Variants in GNG12 observed in about 807,000 individuals in gnomAD.
GNG12 encodes guanine nucleotide-binding protein G(I)/G(S)/G(O) subunit gamma-12.
For missense variants in GNG12, 69 were observed against 83.8 expected, an observed-to-expected ratio of 0.82 and a Z score of 0.69; for synonymous variants, 28 against 29.7, an observed-to-expected ratio of 0.94 and a Z score of 0.19.
intron 2 of GNG12, among the ~76,000 whole-genome samples, chr1:67,741,077 G>T (rs1646480650): frequency 6.6e-6 from 1 of 152,010 alleles, no homozygotes; most frequent in South Asian, 2.1e-4. Context: ...ATATATAAAG[G>T]TCATGCATTA....
At chr1:67,723,826 A>G (rs1159031051) in intron 2 of GNG12, among the ~76,000 whole-genome samples, 1 of 152,232 alleles carries the variant, frequency 6.6e-6, no homozygotes, top group African/African-American at 2.4e-5. Flanking sequence ...TTAAGAAAAG[A>G]AAAACACCTA....
rs535420219 is a variant in GNG12 at position 67,756,880 on chromosome 1, C to T, written c.-27+20578G>A. 2.0e-5 allele frequency among the ~76,000 whole-genome samples: 3 copies of T among 152,342 alleles called. No homozygotes were observed. The South Asian group carries it at 6.2e-4, about 32-fold the overall frequency. On this transcript the variant is annotated intron_variant, in intron 2 of 3. Transcript: ENST00000370982. Reference sequence around the variant, plus strand: ...TATGATTCTCTGTACCAGGGCTTCTCAGCCGGTGTACCCTGCTGAGGTTCA... The same window carrying T: ...TATGATTCTCTGTACCAGGGCTTCTTAGCCGGTGTACCCTGCTGAGGTTCA...
At chr1:67,802,700 C>G (rs1347385701) in intron 1 of GNG12, among the ~76,000 whole-genome samples, 1 of 152,186 alleles carries the variant, frequency 6.6e-6, no homozygotes, top group African/African-American at 2.4e-5. Context: ...CTCTATGCCC[C>G]AGCACACACA....
intron 2 of GNG12, among the ~76,000 whole-genome samples, chr1:67,771,949 A>G (rs957680818): frequency 6.6e-6 from 1 of 152,230 alleles, no homozygotes; most frequent in Admixed American, 6.5e-5. Flanking sequence ...CACTGATGTC[A>G]CTGTGTCTGT....
intron 1 of GNG12, among the ~76,000 whole-genome samples, chr1:67,827,343 C>A (rs565572014): frequency 6.6e-6 from 1 of 152,304 alleles, no homozygotes; most frequent in Non-Finnish European, 1.5e-5. Flanking sequence ...AAGATTTTAG[C>A]AACCAATCTC....
At chr1:67,773,434 G>C (rs1031093185) in intron 2 of GNG12, among the ~76,000 whole-genome samples, 1 of 152,148 alleles carries the variant, frequency 6.6e-6, no homozygotes, top group African/African-American at 2.4e-5. Flanking sequence ...CTCATTAGAA[G>C]AGGAGGGACC....
intron 2 of GNG12, among the ~76,000 whole-genome samples, chr1:67,763,623 C>A (rs1005305844): frequency 6.6e-6 from 1 of 151,878 alleles, no homozygotes; most frequent in Admixed American, 6.6e-5. Context: ...GCCTCAAACT[C>A]CTGGGCTCAA....
intron 1 of GNG12, among the ~76,000 whole-genome samples, chr1:67,796,808 G>A (rs145411184): frequency 1.4e-4 from 21 of 152,280 alleles, no homozygotes; most frequent in African/African-American, 5.1e-4. Flanking sequence ...TAAAAAAAGA[G>A]GTTTATTGGG....
chr1:67,733,372 T>C (rs1027199992), intron 2 of GNG12, among the ~76,000 whole-genome samples: 21 of 152,302 alleles, frequency 1.4e-4, no homozygotes, highest in African/African-American at 4.8e-4. Context: ...ATTGTCAATA[T>C]AGTCTTTTTC....
At chr1:67,765,343 A>G (rs550279572) in intron 2 of GNG12, among the ~76,000 whole-genome samples, 2 of 152,204 alleles carry the variant, frequency 1.3e-5, no homozygotes, top group African/African-American at 4.8e-5. Context: ...ACTAATATAA[A>G]CACTATGATT....
At chr1:67,796,589 AT>A (rs1390534967) in intron 1 of GNG12, among the ~76,000 whole-genome samples, 1 of 152,032 alleles carries the variant, frequency 6.6e-6, no homozygotes, top group African/African-American at 2.4e-5. Context: ...ATAAATATGT[AT>A]TTACTAGTTG....
chr1:67,743,525 C>G (rs531593891), intron 2 of GNG12, among the ~76,000 whole-genome samples: 1 of 152,084 alleles, frequency 6.6e-6, no homozygotes, highest in African/African-American at 2.4e-5. Context: ...AGATAAAGAC[C>G]GTGACAGGCC....
intron 2 of GNG12, among the ~76,000 whole-genome samples, chr1:67,744,805 G>A (rs1476760972): frequency 3.3e-5 from 5 of 151,762 alleles, no homozygotes; most frequent in African/African-American, 9.7e-5. Context: ...GGGTAGATCC[G>A]GCATTTGAAT....
intron 2 of GNG12, among the ~76,000 whole-genome samples, chr1:67,760,257 A>G (rs1362941847): frequency 6.6e-6 from 1 of 152,218 alleles, no homozygotes; most frequent in African/African-American, 2.4e-5. Context: ...AAGTCCACGC[A>G]TGCAAATCCT....
chr1:67,781,446 A>G (rs1646737008), intron 1 of GNG12, among the ~76,000 whole-genome samples: 1 of 152,222 alleles, frequency 6.6e-6, no homozygotes, highest in Admixed American at 6.5e-5. Context: ...TGAATGAAGT[A>G]TATTACATTC....
intron 2 of GNG12, among the ~76,000 whole-genome samples, chr1:67,716,863 C>T (rs1285348718): frequency 1.3e-5 from 2 of 152,158 alleles, no homozygotes; most frequent in African/African-American, 4.8e-5. Flanking sequence ...ACAACTGCCC[C>T]AGATTCTACA....
intron 2 of GNG12, among the ~76,000 whole-genome samples, chr1:67,739,464 C>T (rs549354906): frequency 1.3e-5 from 2 of 152,160 alleles, no homozygotes; most frequent in Non-Finnish European, 2.9e-5. Context: ...CATATAGAGA[C>T]AGAAGACAGA....
chr1:67,751,484 C>T (rs1247571567), intron 2 of GNG12, among the ~76,000 whole-genome samples: 1 of 152,106 alleles, frequency 6.6e-6, no homozygotes, highest in Non-Finnish European at 1.5e-5. Flanking sequence ...GTCTCTGTAC[C>T]CAGTCTCCTC....
chr1:67,765,896 G>A (rs1646634154), intron 2 of GNG12, among the ~76,000 whole-genome samples: 1 of 152,116 alleles, frequency 6.6e-6, no homozygotes, highest in Non-Finnish European at 1.5e-5. Flanking sequence ...CCCAAGGAGT[G>A]AAAGGAAACT....
Sources: gnomAD v4.1 joint callset for allele counts (sites outside exome capture counted in the v4.1 genomes callset) on GRCh38, gnomAD v4.1.1 for gene constraint, MANE v1.5 for transcripts, NCBI Gene and HGNC (gene_info 2026-07-23, HGNC 2026-07-21) for gene names.